Variants in SPIDR observed in about 807,000 individuals in gnomAD.
SPIDR encodes the protein DNA repair-scaffolding protein.
SPIDR carries 93 observed loss-of-function variants against 104.6 expected under a neutral mutation model. The ratio of observed to expected loss-of-function variants is 0.89; its 90% confidence interval spans 0.75 to 1.06. The LOEUF (loss-of-function observed/expected upper bound fraction) is 1.06, where lower values mean the gene tolerates loss of function less well. Ranked by LOEUF, SPIDR falls within the 50% of genes least tolerant of loss-of-function variation. The probability of loss-of-function intolerance (pLI) is 0.00; values close to 1 mark genes in which losing one functional copy is unlikely to be tolerated. For missense variants in SPIDR, 1,154 were observed against 1,111.2 expected (o/e 1.04, Z -0.55); for synonymous variants, 431 against 416.9 (o/e 1.03, Z -0.41).
intron 8 of SPIDR, chr8:47,527,731 G>T (rs2085252544): frequency 6.6e-6 from 1 of 152,204 alleles, no homozygotes; most frequent in South Asian, 2.1e-4. Context: ...ACCAGTCTTG[G>T]TTGGGTTCAC....
chr8:47,726,131 A>T (rs923092832), intron 16 of SPIDR, among the ~76,000 whole-genome samples: 2 of 152,212 alleles, frequency 1.3e-5, no homozygotes, highest in Non-Finnish European at 2.9e-5. Flanking sequence ...ACGAGCCTTT[A>T]TTGACTTTGC....
chr8:47,268,508 T>C (rs994835533), intron 1 of SPIDR, among the ~76,000 whole-genome samples: 163 of 152,366 alleles, frequency 1.1e-3, no homozygotes, highest in Middle Eastern at 3.4e-3. Context: ...TTTACAGTTT[T>C]CAGTGAAAAA....
intron 8 of SPIDR, among the ~76,000 whole-genome samples, chr8:47,571,752 A>G (rs528977100): frequency 6.6e-6 from 1 of 152,358 alleles, no homozygotes; most frequent in South Asian, 2.1e-4. Context: ...TAATTTATAA[A>G]TAAGGCAAAG....
chr8:47,414,781 T>C (rs1396988946), intron 7 of SPIDR, among the ~76,000 whole-genome samples: 1 of 152,220 alleles, frequency 6.6e-6, no homozygotes, highest in African/African-American at 2.4e-5. Context: ...AAACGTGCTG[T>C]GAACATTTGT....
intron 15 of SPIDR, chr8:47,713,075 T>TG: frequency 1.5e-6 from 2 of 1,316,552 alleles, no homozygotes; most frequent in Non-Finnish European, 2.0e-6. Context: ...TCCATGGAGA[T>TG]GCTGTGCTCA....
At chr8:47,399,909 C>T (rs1157793854) in intron 6 of SPIDR, among the ~76,000 whole-genome samples, 1 of 152,112 alleles carries the variant, frequency 6.6e-6, no homozygotes, top group Non-Finnish European at 1.5e-5. Context: ...GTAACGATGA[C>T]GGGCGCCCAG....
intron 10 of SPIDR, among the ~76,000 whole-genome samples, chr8:47,657,828 C>T (rs1309545358): frequency 6.6e-6 from 1 of 151,694 alleles, no homozygotes; most frequent in Non-Finnish European, 1.5e-5. Context: ...CCATGAGTTC[C>T]AGACCAGCCT....
chr8:47,360,826 G>T (rs2055721029), intron 5 of SPIDR: 1 of 985,444 alleles, frequency 1.0e-6, no homozygotes. Context: ...TCCAGTGCTT[G>T]AAGGTATCTG....
At chr8:47,310,840 CA>C (rs782210862) in intron 5 of SPIDR, among the ~76,000 whole-genome samples, 112 of 150,042 alleles carry the variant, frequency 7.5e-4, no homozygotes, top group Middle Eastern at 3.4e-3. Flanking sequence ...ACCTATTAAG[CA>C]AAAAAAAACT....
chr8:47,656,034 C>T (rs2072735760), intron 10 of SPIDR, among the ~76,000 whole-genome samples: 1 of 152,128 alleles, frequency 6.6e-6, no homozygotes, highest in African/African-American at 2.4e-5. Flanking sequence ...TTAAGGTGGA[C>T]ACCTGCCTCA....
In SPIDR at chr8:47,291,075, C is replaced by G; in HGVS notation, c.299C>G (p.Thr100Arg). 1.2e-6 allele frequency: 2 copies of G among 1,613,308 alleles called. No individual in the cohort carries two copies. Among genetic ancestry groups the G allele is most frequent in the Admixed American group, 1.7e-5 (1 of 59,948 alleles). Residue 100 changes from threonine (T) to arginine (R), a missense_variant, in exon 4 of 20, where the codon ACA (threonine) becomes AGA (arginine). Thr to Arg is a moderately conservative substitution (Grantham distance 71, BLOSUM62 -1). Coordinates refer to ENST00000297423, the MANE Select transcript of SPIDR (RefSeq NM_001080394.4). ...AGCACCAGTGGGCTTACAGACATAACATGGAGCTCCAGTGGAAGTGATTTG... is the reference window on the plus strand; with the variant it reads ...AGCACCAGTGGGCTTACAGACATAAGATGGAGCTCCAGTGGAAGTGATTTG... Reference protein sequence around the residue: ...SKSTSGLTDITWSSSGSDLSD... With the variant: ...SKSTSGLTDIRWSSSGSDLSD...
At chr8:47,664,632 G>T (rs903035658) in intron 10 of SPIDR, among the ~76,000 whole-genome samples, 4 of 150,056 alleles carry the variant, frequency 2.7e-5, no homozygotes, top group East Asian at 2.0e-4. Flanking sequence ...ATGAGGCTGC[G>T]CATGGAAGCT....
At chr8:47,430,984 G>A (rs1278840598) in intron 7 of SPIDR, among the ~76,000 whole-genome samples, 8 of 152,170 alleles carry the variant, frequency 5.3e-5, no homozygotes, top group Admixed American at 3.9e-4. Context: ...TGTGTTGGGC[G>A]GTCCTGTATG....
At chr8:47,338,394 A>G (rs2050146585) in intron 5 of SPIDR, among the ~76,000 whole-genome samples, 1 of 152,234 alleles carries the variant, frequency 6.6e-6, no homozygotes, top group South Asian at 2.1e-4. Context: ...TTGTATTCGT[A>G]TATATTACAG....
chr8:47,712,507 G>A (rs528165810), intron 14 of SPIDR, among the ~76,000 whole-genome samples, 155 bp from the exon 15 acceptor site: 6 of 152,324 alleles, frequency 3.9e-5, no homozygotes, highest in Admixed American at 3.9e-4. Flanking sequence ...GGCACATGGG[G>A]CTAGTGACCA....
chr8:47,622,723 A>C (rs2065348365), intron 10 of SPIDR, among the ~76,000 whole-genome samples: 1 of 152,306 alleles, frequency 6.6e-6, no homozygotes, highest in Non-Finnish European at 1.5e-5. Flanking sequence ...TAATTGAATC[A>C]CACTTTGAGC....
chr8:47,422,603 T>C (rs112746137), intron 7 of SPIDR, among the ~76,000 whole-genome samples: 2,239 of 152,334 alleles, frequency 0.015, 62 homozygotes, highest in African/African-American at 0.049. Context: ...CTCTTTGTGC[T>C]GCAGCCACTG....
At position 47,314,137 on chromosome 8, in the gene SPIDR, G is replaced by A. The variant is rs147041834; in HGVS notation, c.525+20107G>A. 2.7e-3 allele frequency among the ~76,000 whole-genome samples: 418 copies of A among 152,314 alleles called. 1 individual carries two copies. The highest frequency in any genetic ancestry group is 9.8e-3 in the African/African-American group (408 of 41,564). On this transcript the variant is annotated intron_variant, in intron 5 of 19. Transcript: ENST00000297423. ...TGTGTATAAAGGATGAGTCTAGGTT[G>A]ATGGAGCTGTGTGCTTACTGTGGTC... is the stretch of plus-strand genomic sequence containing the variant.
chr8:47,606,981 A>G (rs2063040495), intron 10 of SPIDR, among the ~76,000 whole-genome samples: 1 of 152,158 alleles, frequency 6.6e-6, no homozygotes, highest in Non-Finnish European at 1.5e-5. Context: ...ACAGGGGACC[A>G]TTTCACCTGC....
Sources: allele counts gnomAD v4.1 joint callset (sites outside exome capture counted in the v4.1 genomes callset), GRCh38; gene constraint gnomAD v4.1.1; transcripts MANE v1.5; gene names NCBI Gene and HGNC (gene_info 2026-07-23, HGNC 2026-07-21).